Variants in NFATC2 observed in about 807,000 individuals in gnomAD.
NFATC2 encodes the protein nuclear factor of activated T-cells, cytoplasmic 2.
In NFATC2, 22 loss-of-function variants were observed where a neutral mutation model predicts 87.3. The observed-to-expected ratio is 0.25, with a 90% CI of 0.18 to 0.36. NFATC2 has a LOEUF of 0.36. Ranked by LOEUF, NFATC2 falls within the 10% of genes least tolerant of loss-of-function variation. NFATC2 has a pLI of 1.00. For missense variants in NFATC2, 1,149 were observed against 1,259.1 expected (o/e 0.91, Z 1.32); for synonymous variants, 565 against 542.2 (o/e 1.04, Z -0.58).
At chr20:51,434,765 T>C (rs201798392) in intron 8 of NFATC2, among the ~76,000 whole-genome samples, 2 of 152,160 alleles carry the variant, frequency 1.3e-5, no homozygotes, top group East Asian at 1.9e-4. Context: ...GTCACTCCAT[T>C]AGGCCATGGG....
intron 2 of NFATC2, 146 bp downstream of exon 2, chr20:51,522,935 G>C: frequency 9.0e-7 from 1 of 1,116,452 alleles, no homozygotes; most frequent in South Asian, 1.5e-5. Context: ...TCCGTCTCAG[G>C]GTCTCGCAAC....
intron 6 of NFATC2, among the ~76,000 whole-genome samples, chr20:51,452,414 T>C (rs1985913419): frequency 6.6e-6 from 1 of 152,188 alleles, no homozygotes; most frequent in Admixed American, 6.5e-5. Context: ...GAGGCCATCC[T>C]GGGAGGTCGG....
chr20:51,436,511 C>T (rs1010339015), intron 6 of NFATC2, among the ~76,000 whole-genome samples: 1 of 151,584 alleles, frequency 6.6e-6, no homozygotes, highest in African/African-American at 2.4e-5. Context: ...GAGTTCGAGA[C>T]CAGCCTGGCC....
intron 3 of NFATC2, among the ~76,000 whole-genome samples, chr20:51,513,289 G>A (rs2076300522): frequency 6.6e-6 from 1 of 152,050 alleles, no homozygotes; most frequent in Admixed American, 6.6e-5. Context: ...ACCAGCCTAA[G>A]CAACGCAGGG....
At chr20:51,536,718 G>T (rs2146782254) in intron 1 of NFATC2, among the ~76,000 whole-genome samples, 1 of 152,284 alleles carries the variant, frequency 6.6e-6, no homozygotes, top group East Asian at 1.9e-4. Context: ...TCCCTGCAAG[G>T]CCGATGCTCA....
intron 5 of NFATC2, among the ~76,000 whole-genome samples, chr20:51,461,798 T>C (rs1987182307): frequency 6.6e-6 from 1 of 152,198 alleles, no homozygotes; most frequent in Admixed American, 6.5e-5. Flanking sequence ...AATTCGCTCC[T>C]ACAGAGAGGG....
At chr20:51,460,798 T>C (rs1308882336) in intron 5 of NFATC2, among the ~76,000 whole-genome samples, 1 of 152,176 alleles carries the variant, frequency 6.6e-6, no homozygotes, top group Non-Finnish European at 1.5e-5. Flanking sequence ...CAGTTGCCAG[T>C]GTTTCTCAAA....
intron 1 of NFATC2, among the ~76,000 whole-genome samples, chr20:51,559,184 G>T (rs958013978): frequency 3.9e-5 from 6 of 152,218 alleles, no homozygotes; most frequent in Non-Finnish European, 8.8e-5. Flanking sequence ...ACACTGGCTG[G>T]CTGAGGACTT....
At chr20:51,556,779 C>T (rs1006535163) in intron 1 of NFATC2, among the ~76,000 whole-genome samples, 1 of 152,174 alleles carries the variant, frequency 6.6e-6, no homozygotes, top group Non-Finnish European at 1.5e-5. Flanking sequence ...GAGCCCGGAG[C>T]CCCGGAGTGT....
At chr20:51,426,572 T>C (rs1196433054) in intron 9 of NFATC2, among the ~76,000 whole-genome samples, 1 of 152,150 alleles carries the variant, frequency 6.6e-6, no homozygotes, top group African/African-American at 2.4e-5. Context: ...GCACAGCCTT[T>C]GAAGGGAGGA....
At position 51,465,462 on chromosome 20, in the gene NFATC2, C is replaced by T. The variant is rs185106616; in HGVS notation, c.1708+8518G>A. Among the ~76,000 whole-genome samples, 33 of 152,188 alleles carry T rather than the reference C, an allele frequency of 2.2e-4. No homozygotes were observed. In the East Asian group the frequency reaches 4.1e-3, roughly 19 times the overall value. On this transcript the variant is annotated intron_variant, in intron 5 of 10. Transcript: ENST00000371564. ...TTCCCATCCTAATTAGAATAAAATCCGAATCCCCCAGCTTGGGCTCAGACC... is the reference window on the plus strand; with the variant it reads ...TTCCCATCCTAATTAGAATAAAATCTGAATCCCCCAGCTTGGGCTCAGACC...
intron 3 of NFATC2, among the ~76,000 whole-genome samples, chr20:51,499,962 C>T (rs1234669618): frequency 6.6e-6 from 1 of 152,114 alleles, no homozygotes; most frequent in African/African-American, 2.4e-5. Context: ...ACTTTTCTAA[C>T]CTCTGCCTTT....
chr20:51,520,742 C>A (rs1468676579), intron 2 of NFATC2, among the ~76,000 whole-genome samples: 1 of 151,998 alleles, frequency 6.6e-6, no homozygotes. Context: ...CTCACTGCAA[C>A]CTCCGCCTCC....
At chr20:51,519,141 C>G (rs1222127176) in intron 2 of NFATC2, among the ~76,000 whole-genome samples, 1 of 152,096 alleles carries the variant, frequency 6.6e-6, no homozygotes, top group Non-Finnish European at 1.5e-5. Context: ...ACACTTTTAC[C>G]CATATCATAT....
At chr20:51,513,268 A>G (rs1014310952) in intron 3 of NFATC2, among the ~76,000 whole-genome samples, 1 of 152,194 alleles carries the variant, frequency 6.6e-6, no homozygotes, top group Non-Finnish European at 1.5e-5. Flanking sequence ...ACTTGAGCCC[A>G]GGAGTTCAAG....
chr20:51,439,433 A>T (rs1038973909), intron 6 of NFATC2, among the ~76,000 whole-genome samples: 5 of 152,158 alleles, frequency 3.3e-5, no homozygotes, highest in African/African-American at 1.2e-4. Context: ...AGCACTCCTT[A>T]TGCAGTTTCA....
At chr20:51,436,731 CAAACAAACAAATAAATAAGT>C (rs1236916223) in intron 6 of NFATC2, among the ~76,000 whole-genome samples, 3 of 151,780 alleles carry the variant, frequency 2.0e-5, no homozygotes, top group East Asian at 1.9e-4. Flanking sequence ...AACAAACAAA[CAAACAAACAAATAAATAAGT>C]AAATAAATAA....
At chr20:51,469,971 C>T (rs571005386) in intron 5 of NFATC2, among the ~76,000 whole-genome samples, 15 of 152,336 alleles carry the variant, frequency 9.8e-5, no homozygotes, top group African/African-American at 3.4e-4. Context: ...GGGAAGCAGG[C>T]GCCAGCTCTA....
intron 6 of NFATC2, among the ~76,000 whole-genome samples, chr20:51,447,419 A>G (rs540098667): frequency 2.0e-5 from 3 of 152,346 alleles, no homozygotes; most frequent in Admixed American, 2.0e-4. Flanking sequence ...AGAGCCAGGG[A>G]GCTAGTTGGC....
Sources: gnomAD v4.1 joint callset for allele counts (sites outside exome capture counted in the v4.1 genomes callset) on GRCh38, gnomAD v4.1.1 for gene constraint, MANE v1.5 for transcripts, NCBI Gene and HGNC (gene_info 2026-07-23, HGNC 2026-07-21) for gene names.